KCNIP4: variants seen among roughly 807,000 people sequenced by gnomAD.
KCNIP4 encodes Kv channel-interacting protein 4.
A neutral mutation model predicts 34.0 loss-of-function variants in KCNIP4; 12 were observed. That is an observed-to-expected ratio of 0.35 (90% CI 0.23 to 0.57). The LOEUF is 0.57. Among genes scored for constraint, KCNIP4 ranks in the 20% least tolerant of loss-of-function variants. The pLI is 0.83. For missense variants in KCNIP4, 238 were observed against 311.7 expected (o/e 0.76, Z 1.78); for synonymous variants, 124 against 102.2 (o/e 1.21, Z -1.29).
intron 1 of KCNIP4, among the ~76,000 whole-genome samples, chr4:21,200,371 CATATATGTGTGTAT>C (rs1756396215): frequency 7.7e-6 from 1 of 130,584 alleles, no homozygotes; most frequent in Non-Finnish European, 1.6e-5. Context: ...TATATACATA[CATATATGTGTGTAT>C]ATATATATAT....
intron 1 of KCNIP4, among the ~76,000 whole-genome samples, chr4:21,766,445 G>A (rs1171547175): frequency 6.6e-6 from 1 of 152,046 alleles, no homozygotes; most frequent in Non-Finnish European, 1.5e-5. Context: ...AAAATCCTGG[G>A]CTTCCAATCT....
chr4:21,062,421 T>C (rs1234200205), intron 1 of KCNIP4, among the ~76,000 whole-genome samples: 3 of 152,196 alleles, frequency 2.0e-5, no homozygotes, highest in Middle Eastern at 3.4e-3. Flanking sequence ...ATGTAATTAG[T>C]TAGGATGAGG....
At chr4:21,087,147 T>G (rs1226301001) in intron 1 of KCNIP4, among the ~76,000 whole-genome samples, 25 of 8,406 alleles carry the variant, frequency 3.0e-3, no homozygotes, top group African/African-American at 0.015. Context: ...TGCTGGGTAA[T>G]GTGTGTGTGT....
At chr4:21,481,872 G>A (rs1177271816) in intron 1 of KCNIP4, among the ~76,000 whole-genome samples, 2 of 152,120 alleles carry the variant, frequency 1.3e-5, no homozygotes, top group South Asian at 4.1e-4. Context: ...TAATATTAGG[G>A]TGATAAAGGC....
chr4:21,165,516 T>C (rs1028180518), intron 1 of KCNIP4, among the ~76,000 whole-genome samples: 5 of 150,800 alleles, frequency 3.3e-5, no homozygotes, highest in African/African-American at 1.2e-4. Context: ...TGAAAATTAT[T>C]TAATTCATAC....
chr4:21,784,133 C>T (rs547133584), intron 1 of KCNIP4, among the ~76,000 whole-genome samples: 11 of 88,792 alleles, frequency 1.2e-4, no homozygotes, highest in Non-Finnish European at 2.2e-4. Context: ...CTTCACAAGG[C>T]GGTGGGGGGT....
At chr4:20,930,092 AG>A (rs1326618373) in intron 1 of KCNIP4, among the ~76,000 whole-genome samples, 1 of 152,038 alleles carries the variant, frequency 6.6e-6, no homozygotes, top group Non-Finnish European at 1.5e-5. Context: ...AGCAAAACAA[AG>A]CTTGAGGCAT....
At position 21,233,819 on chromosome 4, in the gene KCNIP4, TTATTATA is replaced by T. The variant is rs1035876007; in HGVS notation, c.62-351117_62-351111del. The stretch of plus-strand genomic sequence containing the variant: ...ATATATAATATAGTATATAATATAA[TTATTATA>T]TATTATATAATATATATTACACTAT... On this transcript the variant is annotated intron_variant, in intron 1 of 8. Coordinates refer to ENST00000382152, the MANE Select transcript of KCNIP4 (RefSeq NM_025221.6). Among the ~76,000 whole-genome samples the T allele has an allele frequency of 1.2e-3, 165 of 143,028 alleles. 2 individuals carry two copies. The highest frequency in any genetic ancestry group is 3.7e-3 in the Middle Eastern group (1 of 268). 93.8% of individuals were successfully genotyped at this position (143,028 alleles called of 152,430 possible). A position where few individuals can be genotyped will look rare whatever the true frequency, so the allele number is the denominator to read the frequency against.
chr4:21,570,308 G>T (rs1363138571), intron 1 of KCNIP4, among the ~76,000 whole-genome samples: 3 of 152,126 alleles, frequency 2.0e-5, no homozygotes, highest in Non-Finnish European at 4.4e-5. Context: ...AAAGAAACAG[G>T]GTGAAAAGGA....
At chr4:21,349,923 T>C (rs1190442036) in intron 1 of KCNIP4, among the ~76,000 whole-genome samples, 1 of 152,184 alleles carries the variant, frequency 6.6e-6, no homozygotes, top group Non-Finnish European at 1.5e-5. Context: ...TATGTTTCTG[T>C]GCTGATTTAC....
At chr4:20,768,131 G>A (rs1317168353) in intron 3 of KCNIP4, among the ~76,000 whole-genome samples, 2 of 152,266 alleles carry the variant, frequency 1.3e-5, no homozygotes, top group South Asian at 2.1e-4. Context: ...GCTCTCTTTA[G>A]AGTTAGTAAA....
chr4:20,957,125 G>A (rs965982082), intron 1 of KCNIP4, among the ~76,000 whole-genome samples: 83 of 152,192 alleles, frequency 5.5e-4, no homozygotes, highest in African/African-American at 1.9e-3. Flanking sequence ...GACTTACTGG[G>A]GCTAAATAAC....
At chr4:21,444,364 C>T (rs1577369569) in intron 1 of KCNIP4, among the ~76,000 whole-genome samples, 1 of 152,238 alleles carries the variant, frequency 6.6e-6, no homozygotes, top group African/African-American at 2.4e-5. Context: ...AACATTGATG[C>T]AAAAATCCTC....
At chr4:21,451,195 T>A (rs1728481394) in intron 1 of KCNIP4, among the ~76,000 whole-genome samples, 1 of 152,104 alleles carries the variant, frequency 6.6e-6, no homozygotes, top group Non-Finnish European at 1.5e-5. Context: ...TAGTTTTTGT[T>A]CTGTGGTTAT....
intron 1 of KCNIP4, among the ~76,000 whole-genome samples, chr4:21,482,368 T>C (rs1425607404): frequency 6.6e-6 from 1 of 152,146 alleles, no homozygotes; most frequent in Non-Finnish European, 1.5e-5. Flanking sequence ...TATTAGCAGG[T>C]TATTTTGCTC....
Position 21,128,284 on chromosome 4 carries a change from T to C in KCNIP4, c.62-245575A>G, listed in dbSNP as rs1750780924. On this transcript the variant is annotated intron_variant, in intron 1 of 8. Coordinates refer to ENST00000382152, the MANE Select transcript of KCNIP4 (RefSeq NM_025221.6). ...ATGGAATTAAGAGAGCAGAATCCCA[T>C]GGCATTCAAGACTGTTTTCCCCCTG... Among the ~76,000 whole-genome samples, 3 of 152,190 alleles carry C rather than the reference T, an allele frequency of 2.0e-5. No homozygotes were observed. In the South Asian group the frequency reaches 6.2e-4, roughly 31 times the overall value.
At chr4:21,078,048 C>T (rs55892262) in intron 1 of KCNIP4, among the ~76,000 whole-genome samples, 35,326 of 151,894 alleles carry the variant, frequency 0.23, 4,165 homozygotes, top group Middle Eastern at 0.31. Context: ...ATATTTTAGA[C>T]ATATCTAGCA....
At chr4:21,566,048 A>C (rs536992003) in intron 1 of KCNIP4, among the ~76,000 whole-genome samples, 1 of 152,280 alleles carries the variant, frequency 6.6e-6, no homozygotes, top group South Asian at 2.1e-4. Flanking sequence ...CTAATGGGAG[A>C]CAGGAATTGT....
chr4:21,497,763 TCTA>T (rs1475431114), intron 1 of KCNIP4, among the ~76,000 whole-genome samples: 2 of 152,120 alleles, frequency 1.3e-5, no homozygotes, highest in Non-Finnish European at 2.9e-5. Flanking sequence ...AATTCATAAT[TCTA>T]CTTATATAAA....
Sources: gnomAD v4.1 joint callset for allele counts (sites outside exome capture counted in the v4.1 genomes callset) on GRCh38, gnomAD v4.1.1 for gene constraint, MANE v1.5 for transcripts, NCBI Gene and HGNC (gene_info 2026-07-23, HGNC 2026-07-21) for gene names.